ZNF782: variants seen among roughly 807,000 people sequenced by gnomAD.
ZNF782 encodes zinc finger protein 782.
ZNF782 carries 12 observed loss-of-function variants against 13.0 expected under a neutral mutation model. That is an observed-to-expected ratio of 0.92 (90% CI 0.59 to 1.50). ZNF782 has a LOEUF of 1.50. Among genes scored for constraint, ZNF782 ranks in the 40% most tolerant of loss-of-function variants. ZNF782 has a pLI of 0.00. For synonymous variants in ZNF782, 284 were observed against 283.0 expected (o/e 1.00, Z -0.04); for missense variants, 770 against 822.9 (o/e 0.94, Z 0.79).
chr9:96,845,762 T>C (rs1400333885), intron 3 of ZNF782, among the ~76,000 whole-genome samples: 1 of 151,996 alleles, frequency 6.6e-6, no homozygotes, highest in Non-Finnish European at 1.5e-5. Flanking sequence ...AAACAAAAAG[T>C]CTAGAAAACT....
chr9:96,885,350 A>T, the ZNF782 span, among the ~76,000 whole-genome samples: 2 of 152,188 alleles, frequency 1.3e-5, no homozygotes, highest in African/African-American at 4.8e-5. Flanking sequence ...TAACCACAAT[A>T]AAAAGCCTGC....
the ZNF782 span, among the ~76,000 whole-genome samples, chr9:96,921,528 G>A: frequency 0.047 from 6,683 of 140,902 alleles, 366 homozygotes; most frequent in African/African-American, 0.15. Context: ...GCCAGACTCC[G>A]TCTCAAAAAC....
At chr9:96,883,248 A>G in the ZNF782 span, among the ~76,000 whole-genome samples, 2 of 152,198 alleles carry the variant, frequency 1.3e-5, no homozygotes, top group East Asian at 1.9e-4. Flanking sequence ...CCTGACTACA[A>G]GTGACATCTT....
the ZNF782 span, among the ~76,000 whole-genome samples, chr9:96,906,781 G>A: frequency 6.6e-6 from 1 of 152,260 alleles, no homozygotes; most frequent in Non-Finnish European, 1.5e-5. Context: ...GACCGCTGGT[G>A]ATCAACTTAA....
chr9:96,898,853 C>T, the ZNF782 span, among the ~76,000 whole-genome samples: 6 of 149,014 alleles, frequency 4.0e-5, no homozygotes, highest in Non-Finnish European at 7.4e-5. Flanking sequence ...GGATTACAGG[C>T]GTGAGCCACC....
the ZNF782 span, chr9:96,889,573 G>C: frequency 3.3e-5 from 5 of 152,218 alleles, no homozygotes; most frequent in East Asian, 9.7e-4. Flanking sequence ...CTAATTCTTT[G>C]TATTTTTAGT....
At chr9:96,839,920 T>C (rs1851136413) in intron 4 of ZNF782, among the ~76,000 whole-genome samples, 1 of 152,218 alleles carries the variant, frequency 6.6e-6, no homozygotes, top group Admixed American at 6.5e-5. Context: ...TAGTCAATGA[T>C]GTACATTTGG....
At chr9:96,854,984 C>A (rs972486589), upstream of ZNF782, among the ~76,000 whole-genome samples, 10 of 151,992 alleles carry the variant, frequency 6.6e-5, no homozygotes, top group African/African-American at 2.4e-4. Flanking sequence ...ATTTACTTTA[C>A]AATTTTATAC....
the ZNF782 span, among the ~76,000 whole-genome samples, chr9:96,930,872 G>GTGTTTTTTT: frequency 1.4e-5 from 1 of 72,724 alleles, no homozygotes; most frequent in African/African-American, 5.7e-5. Context: ...CCATCCAGTG[G>GTGTTTTTTT]TTTTTTTTTT....
chr9:96,852,028 T>C, intron 2 of ZNF782, 23 bp from the exon 3 acceptor site: 1 of 1,522,136 alleles, frequency 6.6e-7, no homozygotes, highest in South Asian at 1.1e-5. Context: ...AAAGAGGATG[T>C]CACACGGTCT....
chr9:96,909,953 C>T, the ZNF782 span: 1 of 426,930 alleles, frequency 2.3e-6, no homozygotes, highest in South Asian at 1.8e-5. Flanking sequence ...TGCATTGTTC[C>T]TTGTCCAGCT....
In ZNF782 at chr9:96,851,263, T is replaced by G. The variant is rs547095803; in HGVS notation, c.15+684A>C. Among the ~76,000 whole-genome samples, 8 of 152,224 alleles carry G rather than the reference T, an allele frequency of 5.3e-5. No homozygotes were observed. The South Asian group carries it at 1.7e-3, about 32-fold the overall frequency. ...AATGACAAAAATTATATTGAAAAAG[T>G]ACAACTCCAGTATAAGCTTATAAGA... On this transcript the variant is annotated intron_variant, in intron 3 of 5. Transcript: ENST00000481138.
intron 4 of ZNF782, among the ~76,000 whole-genome samples, chr9:96,840,795 T>A (rs1851164664): frequency 6.6e-6 from 1 of 152,068 alleles, no homozygotes; most frequent in Non-Finnish European, 1.5e-5. Flanking sequence ...ACTAAATGTG[T>A]ACGTTAGAAA....
chr9:96,905,160 G>A, the ZNF782 span, among the ~76,000 whole-genome samples: 50 of 133,078 alleles, frequency 3.8e-4, 4 homozygotes, highest in South Asian at 0.011. Flanking sequence ...GGCATTCTGA[G>A]TCACAGGATG....
the ZNF782 span, chr9:96,889,944 C>A: frequency 6.6e-6 from 1 of 152,144 alleles, no homozygotes; most frequent in East Asian, 1.9e-4. Context: ...AATCCAAATT[C>A]TTTTATTCAG....
At chr9:96,836,274 C>T (rs553219820) in intron 4 of ZNF782, among the ~76,000 whole-genome samples, 2 of 145,994 alleles carry the variant, frequency 1.4e-5, no homozygotes, top group African/African-American at 5.1e-5. Context: ...GTGCAATGGT[C>T]TGATCTCAGC....
chr9:96,859,431 TACAGTAGG>T (rs1851679676), upstream of ZNF782, among the ~76,000 whole-genome samples: 1 of 152,062 alleles, frequency 6.6e-6, no homozygotes, highest in African/African-American at 2.4e-5. Context: ...GATACTAGCT[TACAGTAGG>T]AGGGGGCACT....
At position 96,850,646 on chromosome 9, in the gene ZNF782, A is replaced by G. The variant is rs1268499735; in HGVS notation, c.15+1301T>C. Among the ~76,000 whole-genome samples the G allele has an allele frequency of 2.0e-5, 3 of 152,218 alleles. No homozygotes were observed. Among genetic ancestry groups the G allele is most frequent in the Non-Finnish European group, 2.9e-5 (2 of 68,036 alleles). The stretch of plus-strand genomic sequence containing the variant: ...TGTAACAAGAAACCACTTGTACCCC[A>G]AAAGCTATTGAAATAAAACATTTTA... On this transcript the variant is annotated intron_variant, in intron 3 of 5. Coordinates refer to ENST00000481138, the MANE Select transcript of ZNF782 (RefSeq NM_001001662.3). The surrounding 1 kb of genome is among the most constrained non-coding windows in gnomAD (Gnocchi z 4.3).
upstream of ZNF782, among the ~76,000 whole-genome samples, chr9:96,879,772 G>A (rs188246600): frequency 1.4e-4 from 21 of 152,290 alleles, no homozygotes; most frequent in Admixed American, 1.3e-3. Context: ...TTTAATTTCA[G>A]TTTCCAACTG....
Sources: allele counts gnomAD v4.1 joint callset (sites outside exome capture counted in the v4.1 genomes callset), GRCh38; gene constraint gnomAD v4.1.1; non-coding constraint Gnocchi (gnomAD v3.1); transcripts MANE v1.5; gene names NCBI Gene and HGNC (gene_info 2026-07-23, HGNC 2026-07-21).